MCPH1: variants seen among roughly 807,000 people sequenced by gnomAD.
MCPH1 encodes microcephalin 1, also known as microcephalin.
A neutral mutation model predicts 84.5 loss-of-function variants in MCPH1; 104 were observed. That is an observed-to-expected ratio of 1.23 (90% CI 1.05 to 1.45). The LOEUF is 1.45. Among genes scored for constraint, MCPH1 ranks in the 40% most tolerant of loss-of-function variants. The pLI is 0.00. For synonymous variants in MCPH1, 514 were observed against 366.8 expected (o/e 1.40, Z -4.58); for missense variants, 1,498 against 1,005.7 (o/e 1.49, Z -6.62).
At chr8:6,582,027 A>G (rs546640192) in intron 12 of MCPH1, among the ~76,000 whole-genome samples, 1 of 152,296 alleles carries the variant, frequency 6.6e-6, no homozygotes, top group East Asian at 1.9e-4. Context: ...AGGCTTCAAC[A>G]TGAATTTGAG....
intron 12 of MCPH1, chr8:6,615,977 T>C (rs1830748299): frequency 1.3e-5 from 2 of 152,180 alleles, no homozygotes; most frequent in East Asian, 1.9e-4. Flanking sequence ...TGTGAGTAGA[T>C]TGTGCTGATG....
At chr8:6,456,300 C>T (rs182880926) in intron 9 of MCPH1, among the ~76,000 whole-genome samples, 1 of 152,310 alleles carries the variant, frequency 6.6e-6, no homozygotes, top group East Asian at 1.9e-4. Flanking sequence ...TGGCGTTGCG[C>T]ACTGTGACTC....
chr8:6,460,194 T>G (rs1020700740), intron 9 of MCPH1, among the ~76,000 whole-genome samples: 25 of 152,076 alleles, frequency 1.6e-4, no homozygotes, highest in African/African-American at 5.3e-4. Context: ...CCTTTGCTTC[T>G]ATAGCCCATG....
At chr8:6,640,482 TAGG>T (rs1797871709) in intron 13 of MCPH1, among the ~76,000 whole-genome samples, 1 of 152,194 alleles carries the variant, frequency 6.6e-6, no homozygotes, top group South Asian at 2.1e-4. Flanking sequence ...ATATCTTAGA[TAGG>T]AGATTTATCA....
At chr8:6,410,469 A>G (rs1435175295) in intron 2 of MCPH1, among the ~76,000 whole-genome samples, 1 of 152,216 alleles carries the variant, frequency 6.6e-6, no homozygotes, top group South Asian at 2.1e-4. Context: ...GGAAATGGAG[A>G]TAGCAAACAA....
chr8:6,600,717 A>C (rs1829293734), intron 12 of MCPH1, among the ~76,000 whole-genome samples: 1 of 152,358 alleles, frequency 6.6e-6, no homozygotes, highest in Non-Finnish European at 1.5e-5. Flanking sequence ...ATGAAACGAA[A>C]GGATTGGACC....
At chr8:6,504,621 T>G (rs144802280) in intron 12 of MCPH1, among the ~76,000 whole-genome samples, 1 of 152,158 alleles carries the variant, frequency 6.6e-6, no homozygotes. Flanking sequence ...AGCTGTAAAG[T>G]GCTTCCTTTA....
chr8:6,525,911 C>A (rs1056766750), intron 12 of MCPH1, among the ~76,000 whole-genome samples: 1 of 152,064 alleles, frequency 6.6e-6, no homozygotes, highest in Non-Finnish European at 1.5e-5. Context: ...ACATAATTGA[C>A]CCAAATTGGT....
chr8:6,454,585 A>G (rs1805477172), intron 8 of MCPH1, among the ~76,000 whole-genome samples: 1 of 152,222 alleles, frequency 6.6e-6, no homozygotes, highest in Non-Finnish European at 1.5e-5. Context: ...GCATCTAAGG[A>G]AACCACATTT....
intron 12 of MCPH1, among the ~76,000 whole-genome samples, chr8:6,558,268 G>T (rs1484888449): frequency 2.6e-5 from 4 of 152,214 alleles, no homozygotes; most frequent in Admixed American, 2.6e-4. Context: ...GAAAGGGATG[G>T]AAGACTGGGG....
At chr8:6,519,721 A>G in intron 12 of MCPH1, 1 of 978,912 alleles carries the variant, frequency 1.0e-6, no homozygotes. Context: ...ACTCTAGGCG[A>G]GGTAGCTGCC....
At chr8:6,424,178 G>A (rs1800699990) in intron 3 of MCPH1, among the ~76,000 whole-genome samples, 1 of 152,098 alleles carries the variant, frequency 6.6e-6, no homozygotes, top group Admixed American at 6.5e-5. Flanking sequence ...ATTTCCTTTG[G>A]ATGTAGAAAT....
intron 3 of MCPH1, among the ~76,000 whole-genome samples, chr8:6,421,423 C>G (rs150535326): frequency 9.1e-4 from 139 of 152,108 alleles, no homozygotes; most frequent in African/African-American, 3.0e-3. Context: ...ATCCTTCTGA[C>G]AAAATGGCTT....
At chr8:6,447,363 C>T (rs982102927) in intron 8 of MCPH1, 1 of 985,190 alleles carries the variant, frequency 1.0e-6, no homozygotes, top group African/African-American at 1.7e-5. Flanking sequence ...GCAAACTGTA[C>T]CTCCAAATCT....
chr8:6,470,732 C>G (rs1585961875), intron 9 of MCPH1, among the ~76,000 whole-genome samples: 1 of 152,272 alleles, frequency 6.6e-6, no homozygotes, highest in African/African-American at 2.4e-5. Flanking sequence ...CTGCCAGTGG[C>G]CATGCCACAG....
intron 12 of MCPH1, among the ~76,000 whole-genome samples, chr8:6,530,560 G>T (rs1819297652): frequency 1.2e-5 from 1 of 82,232 alleles, no homozygotes; most frequent in Non-Finnish European, 3.0e-5. Flanking sequence ...GTTACTTTTG[G>T]TCCAACCTAA....
intron 12 of MCPH1, among the ~76,000 whole-genome samples, chr8:6,564,409 C>T (rs540454064): frequency 2.0e-5 from 3 of 152,322 alleles, no homozygotes; most frequent in East Asian, 1.9e-4. Context: ...CTAATGTCCT[C>T]ATCTGTGCAA....
intron 3 of MCPH1, 126 bp downstream of exon 3, chr8:6,415,009 C>A: frequency 1.1e-6 from 1 of 918,356 alleles, no homozygotes. Context: ...TCTTACCTCA[C>A]CTAGTAATTT....
At position 6,592,641 on chromosome 8, in the gene MCPH1, T is replaced by TG. The variant is rs1554469217; in HGVS notation, c.2215-28813_2215-28812insG. On this transcript the variant is annotated intron_variant, in intron 12 of 13. Coordinates refer to ENST00000344683, the MANE Select transcript of MCPH1 (RefSeq NM_024596.5). ...TTTTTTTGTTTTTTTTTTTTTTTTT[T>TG]TTGTTGCTGTTGTTGTTTGTTTGTT... 1.2e-3 allele frequency among the ~76,000 whole-genome samples: 124 copies of TG among 107,330 alleles called. 3 individuals are homozygous for TG. Among genetic ancestry groups the TG allele is most frequent in the East Asian group, 3.4e-3 (10 of 2,956 alleles). 70.4% of individuals were successfully genotyped at this position (107,330 alleles called of 152,430 possible). A position where few individuals can be genotyped will look rare whatever the true frequency, so the allele number is the denominator to read the frequency against.
Sources: allele counts gnomAD v4.1 joint callset (sites outside exome capture counted in the v4.1 genomes callset), GRCh38; gene constraint gnomAD v4.1.1; transcripts MANE v1.5; gene names NCBI Gene and HGNC (gene_info 2026-07-23, HGNC 2026-07-21).